SLC35A5: variants seen among roughly 807,000 people sequenced by gnomAD.
SLC35A5 encodes the protein UDP-sugar transporter protein SLC35A5.
SLC35A5 carries 28 observed loss-of-function variants against 36.3 expected under a neutral mutation model. The ratio of observed to expected loss-of-function variants is 0.77; its 90% CI spans 0.57 to 1.06. The LOEUF (loss-of-function observed/expected upper bound fraction) is 1.06. SLC35A5 is among the 50% of genes least tolerant of loss of function. The pLI is 0.00. For missense variants in SLC35A5, 521 were observed against 499.3 expected (o/e 1.04, Z -0.41); for synonymous variants, 180 against 173.7 (o/e 1.04, Z -0.29).
Position 112,580,679 on chromosome 3 carries a change from C to T in SLC35A5, c.562C>T (p.Pro188Ser). Residue 188 changes from proline to serine, a missense_variant, in exon 6 of 7, where the codon CCT (proline) becomes TCT (serine). Coordinates refer to ENST00000492406, the MANE Select transcript of SLC35A5 (RefSeq NM_017945.5). Reference sequence around the variant, plus strand: ...ATTTCATCACGATGCCTTTTTCAGCCCTTCCAATTCCTGCCTTCTTTTCAG... The same window carrying T: ...ATTTCATCACGATGCCTTTTTCAGCTCTTCCAATTCCTGCCTTCTTTTCAG... The part of the protein sequence containing the change: ...RGFHHDAFFS[P>S]SNSCLLFRSE... The T allele has an allele frequency of 6.2e-7, 1 of 1,614,124 alleles. No homozygotes were observed. The highest frequency in any genetic ancestry group is 8.5e-7 in the Non-Finnish European group (1 of 1,179,984).
Position 112,575,000 on chromosome 3 carries a change from T to TA in SLC35A5, c.428+1052dup, listed in dbSNP as rs966963956. Reference sequence around the variant, plus strand: ...TGAATTGTGAAAATAATTCTTTAACTAAAAAAAAGATATTCCAAAAACATT... The same window carrying TA: ...TGAATTGTGAAAATAATTCTTTAACTAAAAAAAAAGATATTCCAAAAACATT... On this transcript the variant is annotated intron_variant, in intron 5 of 6. Transcript: ENST00000492406. Among the ~76,000 whole-genome samples the TA allele has an allele frequency of 4.0e-5, 6 of 151,872 alleles. No homozygotes were observed. In the South Asian group the frequency reaches 8.3e-4, roughly 21 times the overall value.
At chr3:112,582,116 T>C (rs547589871) in intron 6 of SLC35A5, among the ~76,000 whole-genome samples, 1 of 152,290 alleles carries the variant, frequency 6.6e-6, no homozygotes, top group African/African-American at 2.4e-5. Flanking sequence ...ACACAAAATA[T>C]GAAATATTTT....
At chr3:112,567,737 T>C (rs567413782) in intron 2 of SLC35A5, among the ~76,000 whole-genome samples, 1 of 152,258 alleles carries the variant, frequency 6.6e-6, no homozygotes, top group South Asian at 2.1e-4. Context: ...TGGAGGGAAA[T>C]CACATACCAT....
Position 112,582,936 on chromosome 3 carries a change from G to A in SLC35A5, c.*200G>A, listed in dbSNP as rs1934998891. ...AAGAAATTCTAAAGAACTGATACAG[G>A]AGTAACAATATGAAGAATTCATTAA... On this transcript the variant is annotated 3_prime_UTR_variant, in exon 7 of 7. Coordinates refer to ENST00000492406, the MANE Select transcript of SLC35A5 (RefSeq NM_017945.5). The A allele has an allele frequency of 1.9e-6, 1 of 521,274 alleles. No homozygotes were observed. Among genetic ancestry groups the A allele is most frequent in the Non-Finnish European group, 3.4e-6 (1 of 295,226 alleles). The allele number at this position is 521,274 out of a possible 1,614,324, so 32.3% of individuals were successfully genotyped here. A position where few individuals can be genotyped will look rare whatever the true frequency, so the allele number is the denominator to read the frequency against.
chr3:112,564,137 G>T (rs1257460301), intron 2 of SLC35A5: 1 of 152,200 alleles, frequency 6.6e-6, no homozygotes, highest in Non-Finnish European at 1.5e-5. Flanking sequence ...TGGAACGAGA[G>T]ACTTGGAAAA....
At chr3:112,575,221 A>G (rs1341736622) in intron 5 of SLC35A5, among the ~76,000 whole-genome samples, 1 of 152,192 alleles carries the variant, frequency 6.6e-6, no homozygotes, top group Non-Finnish European at 1.5e-5. Context: ...ATAAGGGAGT[A>G]CAGGTCTCAA....
intron 2 of SLC35A5, among the ~76,000 whole-genome samples, chr3:112,568,578 G>A (rs1428533234): frequency 6.6e-6 from 1 of 152,162 alleles, no homozygotes; most frequent in East Asian, 1.9e-4. Flanking sequence ...CGGCCCTAAA[G>A]GTAGCAGAGC....
chr3:112,569,292 A>G (rs556727726), intron 3 of SLC35A5, 23 bp downstream of exon 3: 2 of 1,577,756 alleles, frequency 1.3e-6, no homozygotes, highest in Admixed American at 1.7e-5. Context: ...ATGGTACTAT[A>G]TACTTGTTAA....
intron 5 of SLC35A5, among the ~76,000 whole-genome samples, chr3:112,574,743 AT>A (rs1934596164): frequency 6.6e-6 from 1 of 151,886 alleles, no homozygotes; most frequent in Non-Finnish European, 1.5e-5. Flanking sequence ...TTCTTTCATA[AT>A]TTGTGTATAT....
rs934252963 is a variant in SLC35A5 at position 112,562,244 on chromosome 3, G to A, written c.-49G>A. The A allele has an allele frequency of 2.0e-5, 3 of 152,476 alleles. No homozygotes were observed. Among genetic ancestry groups the A allele is most frequent in the Non-Finnish European group, 2.9e-5 (2 of 68,106 alleles). The allele number at this position is 152,476 out of a possible 1,614,324, so 9.4% of individuals were successfully genotyped here. A position where few individuals can be genotyped will look rare whatever the true frequency, so the allele number is the denominator to read the frequency against. ...TTACTGTCTCAGCTCTAGGATGTGCGTTCTTCCACTAGAAGCTCTTCTGAG... is the reference window on the plus strand; with the variant it reads ...TTACTGTCTCAGCTCTAGGATGTGCATTCTTCCACTAGAAGCTCTTCTGAG... On this transcript the variant is annotated 5_prime_UTR_variant, in exon 1 of 7. Coordinates refer to ENST00000492406, the MANE Select transcript of SLC35A5 (RefSeq NM_017945.5).
intron 1 of SLC35A5, among the ~76,000 whole-genome samples, chr3:112,562,948 T>A (rs1261018953): frequency 6.6e-6 from 1 of 152,174 alleles, no homozygotes; most frequent in East Asian, 1.9e-4. Flanking sequence ...TAGTCCCAGC[T>A]ATTCTGGAGG....
At chr3:112,582,370 T>A (rs1934966359) in intron 6 of SLC35A5, among the ~76,000 whole-genome samples, 1 of 152,134 alleles carries the variant, frequency 6.6e-6, no homozygotes, top group South Asian at 2.1e-4. Context: ...TCTATATAGG[T>A]AACAAGGCCT....
chr3:112,562,052 G>C lies in SLC35A5; in HGVS notation c.-241G>C, dbSNP rs1276515361. 6.1e-6 allele frequency: 1 copy of C among 163,038 alleles called. No individual in the cohort carries two copies. Among genetic ancestry groups the C allele is most frequent in the East Asian group, 1.9e-4 (1 of 5,226 alleles). 10.1% of individuals were successfully genotyped at this position (163,038 alleles called of 1,614,324 possible). On this transcript the variant is annotated 5_prime_UTR_variant, in exon 1 of 7. Coordinates refer to ENST00000492406, the MANE Select transcript of SLC35A5 (RefSeq NM_017945.5). ...TCCTTCCGGAAGCGTAACACTGAAC[G>C]TGCCTGCGCAATGGGTGTCGGGTCC...
chr3:112,561,847 C>A, upstream of SLC35A5: 1 of 364,366 alleles, frequency 2.7e-6, no homozygotes, highest in Non-Finnish European at 5.0e-6. Context: ...CACACGCACC[C>A]CTCGCCCTCT....
At chr3:112,561,876 CTT>C, upstream of SLC35A5, 1 of 283,318 alleles carries the variant, frequency 3.5e-6, no homozygotes, top group Non-Finnish European at 6.7e-6. Flanking sequence ...TCTGTCCTCG[CTT>C]TGCTTCACTC....
chr3:112,581,207 C>G lies in SLC35A5; in HGVS notation c.1090C>G (p.Pro364Ala). 1 of 1,613,770 alleles carries G rather than the reference C, an allele frequency of 6.2e-7. No homozygotes were observed. The highest frequency in any genetic ancestry group is 8.5e-7 in the Non-Finnish European group (1 of 1,179,880). The change falls in exon 6 of 7, where the codon CCA (proline) becomes GCA (alanine). Residue 364 changes from proline to alanine, a missense_variant. Pro to Ala is a conservative substitution (Grantham distance 27). Transcript: ENST00000492406. ...RPSLEFFLEA[P>A]SVLLSIFIYN... is the part of the protein sequence containing the mutation. ...CTCCCTGGAATTTTTCTTGGAAGCC[C>G]CATCAGTCCTTCTCTCTATATTTAT...
upstream of SLC35A5, chr3:112,561,520 AT>A: frequency 6.3e-7 from 1 of 1,584,502 alleles, no homozygotes; most frequent in Non-Finnish European, 8.6e-7. Context: ...TATTAATCAC[AT>A]TCTGCATCCT....
At chr3:112,562,965 C>A (rs1005175570) in intron 1 of SLC35A5, among the ~76,000 whole-genome samples, 1 of 152,194 alleles carries the variant, frequency 6.6e-6, no homozygotes, top group Non-Finnish European at 1.5e-5. Flanking sequence ...GAGGCTGACG[C>A]AGGAGAATCG....
At chr3:112,566,949 G>A (rs1442282087) in intron 2 of SLC35A5, among the ~76,000 whole-genome samples, 1 of 152,198 alleles carries the variant, frequency 6.6e-6, no homozygotes, top group Non-Finnish European at 1.5e-5. Flanking sequence ...AAGATACACT[G>A]GGTGTGGTGG....
Sources: allele counts gnomAD v4.1 joint callset (sites outside exome capture counted in the v4.1 genomes callset), GRCh38; gene constraint gnomAD v4.1.1; transcripts MANE v1.5; gene names NCBI Gene and HGNC (gene_info 2026-07-23, HGNC 2026-07-21).